Variants in STAT4 observed in about 807,000 individuals in gnomAD.
The protein encoded by STAT4 is signal transducer and activator of transcription 4.
STAT4 carries 42 observed loss-of-function variants against 110.5 expected under a neutral mutation model. That is an observed-to-expected ratio of 0.38 (90% CI 0.30 to 0.49). The LOEUF is 0.49. Among genes scored for constraint, STAT4 ranks in the 20% least tolerant of loss-of-function variants. The pLI is 0.95. For synonymous variants in STAT4, 284 were observed against 302.2 expected, an observed-to-expected ratio of 0.94 and a Z score of 0.63; for missense variants, 632 against 887.9, an observed-to-expected ratio of 0.71 and a Z score of 3.66.
In STAT4 at chr2:191,135,560, G is replaced by A. The variant is rs1428600261; in HGVS notation, c.273+11053C>T. Among the ~76,000 whole-genome samples, 2 of 152,098 alleles carry A rather than the reference G, an allele frequency of 1.3e-5. No individual in the cohort carries two copies. Among genetic ancestry groups the A allele is most frequent in the African/African-American group, 2.4e-5 (1 of 41,412 alleles). ...GTGATCTCAGCTCACTGCAACCTCC[G>A]CCTCCCAGGCTCAAGTGATTCTCCT... On this transcript the variant is annotated intron_variant, in intron 3 of 23. Coordinates refer to ENST00000392320, the MANE Select transcript of STAT4 (RefSeq NM_003151.4). The surrounding 1 kb of genome is among the most constrained non-coding windows in gnomAD (Gnocchi z 4.8).
chr2:191,133,805 A>G (rs1368725405), intron 3 of STAT4, among the ~76,000 whole-genome samples: 1 of 151,754 alleles, frequency 6.6e-6, no homozygotes, highest in East Asian at 1.9e-4. Context: ...AATGAGTTGA[A>G]AACTTACTCC....
intron 3 of STAT4, among the ~76,000 whole-genome samples, chr2:191,115,933 G>A (rs1371365445): frequency 6.6e-6 from 1 of 152,036 alleles, no homozygotes; most frequent in African/African-American, 2.4e-5. Context: ...ATTCAAGTAG[G>A]GCTACTTACA....
upstream of STAT4, chr2:191,151,048 G>A (rs1331921142): frequency 3.0e-6 from 3 of 985,464 alleles, no homozygotes; most frequent in Non-Finnish European, 3.6e-6. The surrounding 1 kb of genome is among the most constrained non-coding windows in gnomAD (Gnocchi z 4.7). Context: ...TCATCAGTAG[G>A]GGATTTGCAT....
At chr2:191,044,881 C>T (rs1489431294) in intron 14 of STAT4, among the ~76,000 whole-genome samples, 1 of 152,116 alleles carries the variant, frequency 6.6e-6, no homozygotes, top group African/African-American at 2.4e-5. Context: ...ATAAAAAACT[C>T]AGGGAAACTA....
chr2:191,128,519 G>C (rs143749902), intron 3 of STAT4, among the ~76,000 whole-genome samples: 4 of 152,144 alleles, frequency 2.6e-5, no homozygotes, highest in Non-Finnish European at 4.4e-5. Context: ...ATCTCACTTC[G>C]TGGGATATTC....
At chr2:191,101,933 T>C (rs1396926211) in intron 3 of STAT4, among the ~76,000 whole-genome samples, 1 of 152,236 alleles carries the variant, frequency 6.6e-6, no homozygotes, top group African/African-American at 2.4e-5. Context: ...TATTTTATTA[T>C]TATGTCATTA....
chr2:191,073,151 C>G lies in STAT4; in HGVS notation c.412G>C (p.Glu138Gln). 6.2e-7 allele frequency: 1 copy of G among 1,613,894 alleles called. No homozygotes were observed. ...TTGTGCTCCACATTCCTCTGTCTTT[C>G]TGAAACTGAAGAACTTTGTAAGGAT... ...EKSLQSSSVSERQRNVEHKVA... is the reference protein window; with the variant it reads ...EKSLQSSSVSQRQRNVEHKVA... The change falls in exon 5 of 24, where the codon GAA (glutamate) becomes CAA (glutamine). Residue 138 changes from glutamate to glutamine, a missense_variant. Transcript: ENST00000392320.
In STAT4 at chr2:191,054,843, G is replaced by A. The variant is rs865825628; in HGVS notation, c.1207-309C>T. On this transcript the variant is annotated intron_variant, in intron 13 of 23. Coordinates refer to ENST00000392320, the MANE Select transcript of STAT4 (RefSeq NM_003151.4). ...CAGAATCTATACAGCACTCCTTGGC[G>A]CCTGGAAAGCATCATTTTAGCTAAG... Among the ~76,000 whole-genome samples, 20 of 152,128 alleles carry A rather than the reference G, an allele frequency of 1.3e-4. No individual in the cohort carries two copies. The East Asian group carries it at 1.5e-3, about 12-fold the overall frequency.
chr2:191,033,718 CA>C lies in STAT4; in HGVS notation c.1716-93del. ...ACCTACAGTTTGTTTTGAGTGTAAT[CA>C]AAAGTCATTCTTACCTGAAATACTC... On this transcript the variant is annotated intron_variant, in intron 19 of 23. Transcript: ENST00000392320. The surrounding 1 kb of genome is among the most constrained non-coding windows in gnomAD (Gnocchi z 6.9). 6.6e-7 allele frequency: 1 copy of C among 1,524,778 alleles called. No individual in the cohort carries two copies. The highest frequency in any genetic ancestry group is 1.3e-5 in the South Asian group (1 of 78,014). The allele number at this position is 1,524,778 out of a possible 1,614,324, so 94.5% of individuals were successfully genotyped here.
intron 3 of STAT4, among the ~76,000 whole-genome samples, chr2:191,080,306 G>C (rs1574136847): frequency 6.6e-6 from 1 of 151,790 alleles, no homozygotes; most frequent in African/African-American, 2.4e-5. Flanking sequence ...ATATTAAAAG[G>C]GAAGTATATG....
rs1034143007 is a variant in STAT4 at position 191,046,609 on chromosome 2, G to T, written c.1252-5461C>A. 2.0e-5 allele frequency among the ~76,000 whole-genome samples: 3 copies of T among 152,188 alleles called. No homozygotes were observed. The highest frequency in any genetic ancestry group is 7.2e-5 in the African/African-American group (3 of 41,438). Reference sequence around the variant, plus strand: ...CTTAACCCCACAGAAGACTTTCTTTGTAGGGAGGACTGCAGCTGGAGGATG... The same window carrying T: ...CTTAACCCCACAGAAGACTTTCTTTTTAGGGAGGACTGCAGCTGGAGGATG... On this transcript the variant is annotated intron_variant, in intron 14 of 23. Transcript: ENST00000392320. The surrounding 1 kb of genome is among the most constrained non-coding windows in gnomAD (Gnocchi z 4.6).
rs1356951511 is a variant in STAT4 at position 191,147,997 on chromosome 2, G to A, written c.128+79C>T. 1.9e-6 allele frequency: 3 copies of A among 1,581,904 alleles called. No homozygotes were observed. The highest frequency in any genetic ancestry group is 2.3e-5 in the South Asian group (2 of 87,160). On this transcript the variant is annotated intron_variant, in intron 2 of 23. Transcript: ENST00000392320. The surrounding 1 kb of genome is among the most constrained non-coding windows in gnomAD (Gnocchi z 4.1). ...AGAATGCATCTACTGAGTAAAAAGT[G>A]GACCATAAAATAAATTCACATGGAT...
chr2:191,124,494 T>C (rs1237444260), intron 3 of STAT4, among the ~76,000 whole-genome samples: 4 of 149,484 alleles, frequency 2.7e-5, no homozygotes, highest in Admixed American at 6.6e-5. Context: ...GCCCTTGCTA[T>C]ATGCTGGGCT....
Position 191,066,466 on chromosome 2 carries a change from C to T in STAT4, c.594G>A (p.Leu198=), listed in dbSNP as rs1696989169. Residue 198 remains leucine (L), a synonymous_variant, in exon 7 of 24, where the codon CTG becomes CTA. Coordinates refer to ENST00000392320, the MANE Select transcript of STAT4 (RefSeq NM_003151.4). The surrounding 1 kb of genome is among the most constrained non-coding windows in gnomAD (Gnocchi z 4.3). Reference sequence around the variant, plus strand: ...AATCGAGGCTGTTAAGCATTTCCTGCAGTGTCAAAACTTCCTGATTCACCA... The same window carrying T: ...AATCGAGGCTGTTAAGCATTTCCTGTAGTGTCAAAACTTCCTGATTCACCA... ...SAMVNQEVLT[L]QEMLNSLDFK... 4 of 1,613,516 alleles carry T rather than the reference C, an allele frequency of 2.5e-6. No homozygotes were observed. In the East Asian group the frequency reaches 8.9e-5, roughly 36 times the overall value.
At chr2:191,133,541 G>T (rs1409156108) in intron 3 of STAT4, among the ~76,000 whole-genome samples, 5 of 151,630 alleles carry the variant, frequency 3.3e-5, no homozygotes, top group Admixed American at 6.6e-5. Context: ...ATAAGGGGAT[G>T]TCTGGAATGA....
chr2:191,148,335 T>G, intron 1 of STAT4, 131 bp from the exon 2 acceptor site: 2 of 1,202,344 alleles, frequency 1.7e-6, no homozygotes, highest in Non-Finnish European at 2.3e-6. Context: ...AAAATTTCAC[T>G]AAGGTTTTTT....
In STAT4 at chr2:191,030,491, G is replaced by A. The variant is rs1033761634; in HGVS notation, c.2220+481C>T. 3.3e-5 allele frequency among the ~76,000 whole-genome samples: 5 copies of A among 152,060 alleles called. No individual in the cohort carries two copies. The East Asian group carries it at 5.8e-4, about 18-fold the overall frequency. ...ATTCATATATTATTGATGAGGCTCC[G>A]GGTTCTAGAAATGCAAGTCACAATC... On this transcript the variant is annotated intron_variant, in intron 23 of 23. Coordinates refer to ENST00000392320, the MANE Select transcript of STAT4 (RefSeq NM_003151.4). This position sits in a 1 kb window ranked among gnomAD's most constrained non-coding sequence, Gnocchi z 4.4.
rs965870081 is a variant in STAT4 at position 191,090,632 on chromosome 2, C to T, written c.274-14307G>A. 6.6e-6 allele frequency among the ~76,000 whole-genome samples: 1 copy of T among 152,140 alleles called. No homozygotes were observed. The highest frequency in any genetic ancestry group is 2.4e-5 in the African/African-American group (1 of 41,428). ...CTGGAGTGCAGTGGCGCGATCTCCG[C>T]CCACTGCAACCTCTGCCTCCTGAGT... On this transcript the variant is annotated intron_variant, in intron 3 of 23. Coordinates refer to ENST00000392320, the MANE Select transcript of STAT4 (RefSeq NM_003151.4). This position sits in a 1 kb window ranked among gnomAD's most constrained non-coding sequence, Gnocchi z 4.2.
intron 2 of STAT4, 61 bp downstream of exon 2, chr2:191,148,015 A>T: frequency 6.2e-7 from 1 of 1,602,582 alleles, no homozygotes; most frequent in African/African-American, 1.3e-5. Context: ...AAATAAATTC[A>T]CATGGATAGA....
Sources: allele counts gnomAD v4.1 joint callset (sites outside exome capture counted in the v4.1 genomes callset), GRCh38; gene constraint gnomAD v4.1.1; non-coding constraint Gnocchi (gnomAD v3.1); transcripts MANE v1.5; gene names NCBI Gene and HGNC (gene_info 2026-07-23, HGNC 2026-07-21).